CSMD1: variants seen among roughly 807,000 people sequenced by gnomAD.
CSMD1 encodes CUB and Sushi multiple domains 1, also known as CUB and sushi domain-containing protein 1.
CSMD1 carries 213 observed loss-of-function variants against 417.5 expected under a neutral mutation model. The ratio of observed to expected loss-of-function variants is 0.51; its 90% CI spans 0.46 to 0.57. The LOEUF (loss-of-function observed/expected upper bound fraction) is 0.57, where lower values mean the gene tolerates loss of function less well. Among genes scored for constraint, CSMD1 ranks in the 20% least tolerant of loss-of-function variants. The pLI, the probability that CSMD1 is intolerant of heterozygous loss-of-function variation, is 0.00. For missense variants in CSMD1, 6,923 were observed against 4,529.7 expected (o/e 1.53, Z -15.17); for synonymous variants, 2,862 against 1,736.8 (o/e 1.65, Z -16.11).
chr8:4,194,383 A>G (rs1799211877), intron 3 of CSMD1, among the ~76,000 whole-genome samples: 2 of 152,196 alleles, frequency 1.3e-5, no homozygotes, highest in South Asian at 4.1e-4. Flanking sequence ...TCACATTGGC[A>G]TCAGTCATGA....
intron 3 of CSMD1, among the ~76,000 whole-genome samples, chr8:4,047,265 A>G (rs993416180): frequency 6.6e-6 from 1 of 152,120 alleles, no homozygotes; most frequent in African/African-American, 2.4e-5. Flanking sequence ...AGGCACATGT[A>G]TTCTGGAGTG....
intron 3 of CSMD1, among the ~76,000 whole-genome samples, chr8:4,290,927 A>G (rs10282904): frequency 0.23 from 35,361 of 152,098 alleles, 5,115 homozygotes; most frequent in Non-Finnish European, 0.32. Context: ...CTTCAACTCA[A>G]CTGCTTTAAT....
chr8:3,067,099 G>A (rs1812983966), intron 49 of CSMD1, among the ~76,000 whole-genome samples: 1 of 151,828 alleles, frequency 6.6e-6, no homozygotes, highest in South Asian at 2.1e-4. Flanking sequence ...AGAACAAGAG[G>A]TCAATACAAT....
chr8:4,813,654 A>C (rs1235296115), intron 1 of CSMD1, among the ~76,000 whole-genome samples: 6 of 152,230 alleles, frequency 3.9e-5, no homozygotes, highest in Non-Finnish European at 7.3e-5. Flanking sequence ...ACATCAATTT[A>C]CACGTTGCAA....
intron 7 of CSMD1, among the ~76,000 whole-genome samples, chr8:3,662,793 A>G (rs1053305193): frequency 1.3e-5 from 2 of 151,974 alleles, no homozygotes; most frequent in African/African-American, 4.8e-5. Flanking sequence ...AACAATGAGA[A>G]CACATGGACA....
intron 5 of CSMD1, among the ~76,000 whole-genome samples, chr8:3,924,209 G>A (rs775375470): frequency 5.9e-5 from 9 of 152,072 alleles, no homozygotes; most frequent in South Asian, 4.1e-4. Context: ...TGGATATATC[G>A]ATCCATTTTT....
intron 23 of CSMD1, among the ~76,000 whole-genome samples, chr8:3,315,756 C>CAGAT (rs1805709697): frequency 6.6e-6 from 1 of 152,132 alleles, no homozygotes; most frequent in Admixed American, 6.5e-5. Context: ...GAATGAAAAT[C>CAGAT]AGATAGCCAA....
intron 46 of CSMD1, among the ~76,000 whole-genome samples, chr8:3,103,565 G>A (rs921355221): frequency 6.6e-5 from 10 of 151,988 alleles, no homozygotes; most frequent in Admixed American, 2.0e-4. Context: ...GTCACTCGGT[G>A]GTAGGAATTT....
intron 20 of CSMD1, among the ~76,000 whole-genome samples, chr8:3,366,244 G>C (rs1457111458): frequency 2.0e-5 from 3 of 152,148 alleles, no homozygotes; most frequent in South Asian, 2.1e-4. Context: ...TGTTGGTGGA[G>C]GGTGGGGGCA....
At chr8:4,322,688 G>T (rs1051737306) in intron 3 of CSMD1, among the ~76,000 whole-genome samples, 1 of 152,148 alleles carries the variant, frequency 6.6e-6, no homozygotes, top group Non-Finnish European at 1.5e-5. Context: ...TCAAAGAGAT[G>T]GTGACAAGGT....
At chr8:4,457,997 G>C (rs1186116916) in intron 2 of CSMD1, among the ~76,000 whole-genome samples, 1 of 152,102 alleles carries the variant, frequency 6.6e-6, no homozygotes, top group Non-Finnish European at 1.5e-5. Context: ...TCCCCTGAGA[G>C]GTAGTGACTT....
At chr8:4,227,372 A>T (rs566921968) in intron 3 of CSMD1, among the ~76,000 whole-genome samples, 1 of 152,248 alleles carries the variant, frequency 6.6e-6, no homozygotes, top group East Asian at 1.9e-4. Flanking sequence ...TAACATTTTA[A>T]GAACCCTATT....
chr8:4,660,139 T>C (rs1054852873), intron 1 of CSMD1, among the ~76,000 whole-genome samples: 1 of 129,834 alleles, frequency 7.7e-6, no homozygotes, highest in Non-Finnish European at 1.7e-5. Context: ...AGGAACGAAA[T>C]AAAATTTATA....
chr8:4,357,957 C>A (rs1036567145), intron 3 of CSMD1, among the ~76,000 whole-genome samples: 1 of 151,916 alleles, frequency 6.6e-6, no homozygotes, highest in African/African-American at 2.4e-5. Context: ...TGGTGTAATG[C>A]CTGAATGAGA....
chr8:4,270,449 A>G (rs1276321750), intron 3 of CSMD1, among the ~76,000 whole-genome samples: 18 of 152,116 alleles, frequency 1.2e-4, no homozygotes. Flanking sequence ...ATTTTCAAAG[A>G]TCACAGAGAA....
At chr8:4,902,122 C>T (rs1021588664) in intron 1 of CSMD1, among the ~76,000 whole-genome samples, 3 of 151,850 alleles carry the variant, frequency 2.0e-5, no homozygotes, top group African/African-American at 7.3e-5. Flanking sequence ...AACTATATAT[C>T]AATGAAGTTT....
intron 2 of CSMD1, among the ~76,000 whole-genome samples, chr8:4,456,701 A>C (rs1799509230): frequency 6.6e-6 from 1 of 152,130 alleles, no homozygotes; most frequent in African/African-American, 2.4e-5. Context: ...TGGTGGAAGA[A>C]ACAGGCATGT....
intron 8 of CSMD1, among the ~76,000 whole-genome samples, chr8:3,594,280 T>A (rs11775582): frequency 6.6e-6 from 1 of 152,158 alleles, no homozygotes; most frequent in Non-Finnish European, 1.5e-5. Context: ...CAGCTCTTGG[T>A]CAATATATTA....
chr8:3,610,008 G>T (rs1256653251), intron 8 of CSMD1, among the ~76,000 whole-genome samples: 1 of 151,626 alleles, frequency 6.6e-6, no homozygotes, highest in African/African-American at 2.4e-5. Context: ...CAACTTGTTG[G>T]CCAGGCTGGT....
Sources: gnomAD v4.1 joint callset for allele counts (sites outside exome capture counted in the v4.1 genomes callset) on GRCh38, gnomAD v4.1.1 for gene constraint, MANE v1.5 for transcripts, NCBI Gene and HGNC (gene_info 2026-07-23, HGNC 2026-07-21) for gene names.